The following ABCC1 variants were observed in gnomAD, a reference collection of about 807,000 sequenced individuals.
The protein encoded by ABCC1 is multidrug resistance-associated protein 1.
A neutral mutation model predicts 172.9 loss-of-function variants in ABCC1; 83 were observed. The ratio of observed to expected loss-of-function variants is 0.48; its 90% CI spans 0.40 to 0.58. The LOEUF (loss-of-function observed/expected upper bound fraction) is 0.58. ABCC1 is among the 20% of genes least tolerant of loss of function. The probability of loss-of-function intolerance (pLI) is 0.00; values close to 1 mark genes in which losing one functional copy is unlikely to be tolerated. For missense variants in ABCC1, 1,817 were observed against 2,002.7 expected (o/e 0.91, Z 1.77); for synonymous variants, 937 against 825.2 (o/e 1.14, Z -2.32).
chr16:15,991,827 C>T (rs2046879403), intron 1 of ABCC1, among the ~76,000 whole-genome samples: 1 of 152,094 alleles, frequency 6.6e-6, no homozygotes, highest in Non-Finnish European at 1.5e-5. Flanking sequence ...GTTGCCTTGA[C>T]AATGGCTGCA....
Position 16,142,859 on chromosome 16 carries a change from C to T in ABCC1, c.*1578C>T, listed in dbSNP as rs1170360615. On this transcript the variant is annotated 3_prime_UTR_variant, in exon 31 of 31. Coordinates refer to ENST00000399410, the MANE Select transcript of ABCC1 (RefSeq NM_004996.4). ...AGCCAGAGCTGAGGCTGCCCCAAGA[C>T]TCAGACTTGCTAAGAATTACGCCGC... 2.6e-5 allele frequency: 4 copies of T among 152,586 alleles called. No individual in the cohort carries two copies. The highest frequency in any genetic ancestry group is 5.9e-5 in the Non-Finnish European group (4 of 68,038). 9.5% of individuals were successfully genotyped at this position (152,586 alleles called of 1,614,324 possible).
Position 16,142,670 on chromosome 16 carries a change from A to T in ABCC1, c.*1389A>T, listed in dbSNP as rs1301479046. 1 of 152,060 alleles carries T rather than the reference A, an allele frequency of 6.6e-6. No individual in the cohort carries two copies. The highest frequency in any genetic ancestry group is 1.5e-5 in the Non-Finnish European group (1 of 68,016). The allele number at this position is 152,060 out of a possible 1,614,324, so 9.4% of individuals were successfully genotyped here. On this transcript the variant is annotated 3_prime_UTR_variant, in exon 31 of 31. Coordinates refer to ENST00000399410, the MANE Select transcript of ABCC1 (RefSeq NM_004996.4). ...AAAACTTGAACTTCTTGGGAATAGAAGTGTTGGGCTGAGAAGTAACATTCC... is the reference window on the plus strand; with the variant it reads ...AAAACTTGAACTTCTTGGGAATAGATGTGTTGGGCTGAGAAGTAACATTCC...
chr16:16,046,786 G>A (rs1452155284), intron 9 of ABCC1, among the ~76,000 whole-genome samples: 3 of 140,216 alleles, frequency 2.1e-5, no homozygotes, highest in South Asian at 4.3e-4. Context: ...TTTTTGTCTC[G>A]AGGTCAAGGA....
intron 1 of ABCC1, among the ~76,000 whole-genome samples, chr16:15,951,991 T>C (rs2045885028): frequency 6.6e-6 from 1 of 151,568 alleles, no homozygotes; most frequent in Non-Finnish European, 1.5e-5. Flanking sequence ...TGCCCGGCTG[T>C]TTTTGTGTTT....
At chr16:16,132,321 T>G (rs1006580044) in intron 27 of ABCC1, among the ~76,000 whole-genome samples, 2 of 151,490 alleles carry the variant, frequency 1.3e-5, no homozygotes, top group Non-Finnish European at 2.9e-5. Flanking sequence ...TGCAGGTGTG[T>G]GCCACTGCAC....
intron 4 of ABCC1, 23 bp downstream of exon 4, chr16:16,014,651 A>G: frequency 6.2e-7 from 1 of 1,612,150 alleles, no homozygotes; most frequent in Non-Finnish European, 8.5e-7. Flanking sequence ...CTCCTTCCTC[A>G]TCTTCCTTCA....
At chr16:16,080,964 A>G (rs1239521373) in intron 16 of ABCC1, among the ~76,000 whole-genome samples, 1 of 152,044 alleles carries the variant, frequency 6.6e-6, no homozygotes, top group Non-Finnish European at 1.5e-5. Context: ...TCCTGGGTTC[A>G]ACCGATTCTT....
intron 7 of ABCC1, among the ~76,000 whole-genome samples, chr16:16,043,657 A>G (rs138442982): frequency 3.9e-4 from 59 of 151,320 alleles, no homozygotes; most frequent in African/African-American, 1.4e-3. Flanking sequence ...GCTGGAGTGC[A>G]ATGGCCTGAT....
intron 3 of ABCC1, among the ~76,000 whole-genome samples, chr16:16,013,296 C>T (rs781401178): frequency 1.5e-4 from 22 of 148,556 alleles, no homozygotes; most frequent in Admixed American, 2.7e-4. Flanking sequence ...TTTGAGATAG[C>T]GTCTCACTCT....
chr16:16,104,911 G>A (rs1180336579), intron 20 of ABCC1, among the ~76,000 whole-genome samples: 1 of 152,140 alleles, frequency 6.6e-6, no homozygotes, highest in Non-Finnish European at 1.5e-5. Context: ...GGGCTGCCCG[G>A]CAGCTCTGAG....
At chr16:16,126,690 T>C (rs765415017) in intron 26 of ABCC1, among the ~76,000 whole-genome samples, 10 of 152,278 alleles carry the variant, frequency 6.6e-5, no homozygotes, top group East Asian at 5.8e-4. Flanking sequence ...TGGCCTGTTA[T>C]GTATTTGTAT....
intron 10 of ABCC1, among the ~76,000 whole-genome samples, chr16:16,051,932 A>G (rs1445392285): frequency 6.6e-6 from 1 of 152,082 alleles, no homozygotes; most frequent in Admixed American, 6.6e-5. Context: ...CTACCTTATT[A>G]CCTTTCTAAA....
At chr16:15,950,538 C>T (rs954645358) in intron 1 of ABCC1, among the ~76,000 whole-genome samples, 2 of 152,116 alleles carry the variant, frequency 1.3e-5, no homozygotes, top group African/African-American at 4.8e-5. Flanking sequence ...TCTGGGGATG[C>T]CCCTTAGATT....
At chr16:16,029,375 A>G (rs1308731186) in intron 5 of ABCC1, among the ~76,000 whole-genome samples, 2 of 152,000 alleles carry the variant, frequency 1.3e-5, no homozygotes, top group African/African-American at 4.8e-5. Context: ...GGCACGTGCC[A>G]CCATGTCCGG....
At chr16:16,010,059 T>A (rs1450813590) in intron 3 of ABCC1, among the ~76,000 whole-genome samples, 158 bp downstream of exon 3, 1 of 137,960 alleles carries the variant, frequency 7.2e-6, no homozygotes, top group Admixed American at 7.4e-5. Context: ...TTTTTTTTTT[T>A]TAAAGACATG....
chr16:15,970,854 G>A (rs192309738), intron 1 of ABCC1, among the ~76,000 whole-genome samples: 2 of 152,226 alleles, frequency 1.3e-5, no homozygotes, highest in Admixed American at 6.5e-5. Flanking sequence ...CTCGGCCTCC[G>A]AAAGTGTTGG....
chr16:15,972,240 C>G (rs2046385778), intron 1 of ABCC1, among the ~76,000 whole-genome samples: 1 of 152,188 alleles, frequency 6.6e-6, no homozygotes, highest in Admixed American at 6.5e-5. Context: ...TGTTTTGCCC[C>G]TCAGTCATTT....
chr16:16,068,401 C>T lies in ABCC1; in HGVS notation c.1824+99C>T, dbSNP rs1300287353. ...CCGAGCGCAGCCTCTAGATCACACT[C>T]CCGGTCGGGCTCCATGAGGCCCGGA... On this transcript the variant is annotated intron_variant, in intron 13 of 30. Coordinates refer to ENST00000399410, the MANE Select transcript of ABCC1 (RefSeq NM_004996.4). 4 of 1,412,864 alleles carry T rather than the reference C, an allele frequency of 2.8e-6. No individual in the cohort carries two copies. In the South Asian group the frequency reaches 4.9e-5, roughly 17 times the overall value. 87.5% of individuals were successfully genotyped at this position (1,412,864 alleles called of 1,614,324 possible).
intron 12 of ABCC1, among the ~76,000 whole-genome samples, chr16:16,066,902 CAAAA>C (rs59774947): frequency 8.8e-5 from 13 of 146,950 alleles, no homozygotes; most frequent in Middle Eastern, 3.2e-3. Flanking sequence ...GACTGTGTCT[CAAAA>C]AAAAAAAAAG....
Sources: gnomAD v4.1 joint callset for allele counts (sites outside exome capture counted in the v4.1 genomes callset) on GRCh38, gnomAD v4.1.1 for gene constraint, MANE v1.5 for transcripts, NCBI Gene and HGNC (gene_info 2026-07-23, HGNC 2026-07-21) for gene names.